CALN1: variants seen among roughly 807,000 people sequenced by gnomAD.
The protein encoded by CALN1 is calneuron 1, also known as calcium-binding protein 8.
CALN1 carries 17 observed loss-of-function variants against 30.6 expected under a neutral mutation model. That is an observed-to-expected ratio of 0.56 (90% confidence interval 0.38 to 0.83). The LOEUF (loss-of-function observed/expected upper bound fraction) is 0.83, where lower values mean the gene tolerates loss of function less well. CALN1 is among the 40% of genes least tolerant of loss of function. The probability of loss-of-function intolerance (pLI) is 0.00; values close to 1 mark genes in which losing one functional copy is unlikely to be tolerated. For missense variants in CALN1, 291 were observed against 354.9 expected, an observed-to-expected ratio of 0.82 and a Z score of 1.45; for synonymous variants, 156 against 131.4, an observed-to-expected ratio of 1.19 and a Z score of -1.28.
chr7:72,277,736 C>T (rs1437932642), intron 3 of CALN1, among the ~76,000 whole-genome samples: 1 of 152,154 alleles, frequency 6.6e-6, no homozygotes, highest in African/African-American at 2.4e-5. Context: ...AAATGTCCTC[C>T]ATCTTCCTTC....
chr7:71,891,660 T>C (rs578160291), intron 5 of CALN1, among the ~76,000 whole-genome samples: 2 of 152,274 alleles, frequency 1.3e-5, no homozygotes, highest in Admixed American at 6.5e-5. Flanking sequence ...ACAAGTGCTA[T>C]ATGCCGGGCA....
At chr7:72,491,242 A>G in the CALN1 span, among the ~76,000 whole-genome samples, 19 of 150,284 alleles carry the variant, frequency 1.3e-4, no homozygotes, top group Non-Finnish European at 1.6e-4. Flanking sequence ...AAAAAAAAAC[A>G]AAAACAAAAA....
At position 71,810,051 on chromosome 7, in the gene CALN1, ACAAAAC is replaced by A. The variant is rs1305397281; in HGVS notation, c.658+279_658+284del. Among the ~76,000 whole-genome samples, 3 of 152,302 alleles carry A rather than the reference ACAAAAC, an allele frequency of 2.0e-5. No individual in the cohort carries two copies. In the East Asian group the frequency reaches 5.8e-4, roughly 29 times the overall value. ...CCACAACCAAGAGAAGGCAAACAGC[ACAAAAC>A]CACACATCCAATCACACGCAGACCT... is the stretch of plus-strand genomic sequence containing the variant. On this transcript the variant is annotated intron_variant, in intron 6 of 6. Transcript: ENST00000395275.
chr7:72,264,495 GATT>G (rs1013223857), intron 3 of CALN1, among the ~76,000 whole-genome samples: 29 of 126,042 alleles, frequency 2.3e-4, no homozygotes, highest in African/African-American at 8.3e-4. Context: ...TAATAAGCAG[GATT>G]TTTTTTTTTT....
intron 4 of CALN1, among the ~76,000 whole-genome samples, chr7:72,062,586 G>GCCAAATAT (rs1271981339): frequency 6.6e-6 from 1 of 150,650 alleles, no homozygotes; most frequent in Non-Finnish European, 1.5e-5. Flanking sequence ...CATAAGAAAT[G>GCCAAATAT]CCAAATATAT....
intron 2 of CALN1, among the ~76,000 whole-genome samples, chr7:72,345,943 C>A (rs1010765424): frequency 2.0e-5 from 3 of 151,710 alleles, no homozygotes; most frequent in South Asian, 2.1e-4. Context: ...GAAAAAGAAC[C>A]GAATTAAGAA....
intron 1 of CALN1, 130 bp downstream of exon 1, chr7:72,411,928 T>C (rs185021101): frequency 6.6e-6 from 1 of 152,150 alleles, no homozygotes; most frequent in African/African-American, 2.4e-5. Context: ...GAAAAAATCA[T>C]AGATTAAAAC....
chr7:72,168,787 C>CTTATTA (rs1554463089), intron 3 of CALN1, among the ~76,000 whole-genome samples: 26 of 135,592 alleles, frequency 1.9e-4, no homozygotes, highest in East Asian at 1.3e-3. Context: ...AGGATGCCTG[C>CTTATTA]TTATTATTAT....
At chr7:71,856,614 T>C (rs1790962288) in intron 5 of CALN1, among the ~76,000 whole-genome samples, 1 of 152,226 alleles carries the variant, frequency 6.6e-6, no homozygotes, top group African/African-American at 2.4e-5. Context: ...CACTGTTCTG[T>C]ATTTTTATAT....
rs182364566 is a variant in CALN1 at position 72,033,865 on chromosome 7, C to G, written c.389-10096G>C. ...GAAGGTTAGACTTGGTGGGGTAGAG[C>G]TGACTGGGGAAAGGGTCTTAGTTAA... is the stretch of plus-strand genomic sequence containing the variant. On this transcript the variant is annotated intron_variant, in intron 4 of 6. Transcript: ENST00000395275. Among the ~76,000 whole-genome samples the G allele has an allele frequency of 1.8e-4, 27 of 152,194 alleles. No individual in the cohort carries two copies. In the East Asian group the frequency reaches 4.8e-3, roughly 27 times the overall value.
intron 5 of CALN1, among the ~76,000 whole-genome samples, chr7:71,886,219 G>A (rs1031593776): frequency 5.9e-5 from 9 of 152,248 alleles, no homozygotes; most frequent in East Asian, 3.9e-4. Context: ...GCCGCAAGGC[G>A]AACATCTCCT....
the CALN1 span, among the ~76,000 whole-genome samples, chr7:72,473,140 G>A: frequency 2.0e-5 from 3 of 151,464 alleles, no homozygotes; most frequent in East Asian, 5.8e-4. Flanking sequence ...TTAAGAGAGA[G>A]GGGTCTCACT....
intron 2 of CALN1, among the ~76,000 whole-genome samples, chr7:72,354,882 A>G (rs924811487): frequency 1.3e-5 from 2 of 150,722 alleles, no homozygotes; most frequent in Non-Finnish European, 3.0e-5. Context: ...TGAGTAAGCA[A>G]AAATTTCTTT....
chr7:72,079,990 C>T (rs968393308), intron 4 of CALN1, among the ~76,000 whole-genome samples: 4 of 151,932 alleles, frequency 2.6e-5, no homozygotes, highest in Non-Finnish European at 2.9e-5. Flanking sequence ...AGGCTGGTCT[C>T]GAACTCCTAA....
chr7:72,337,404 G>A (rs1344834866), intron 2 of CALN1, among the ~76,000 whole-genome samples: 1 of 102,320 alleles, frequency 9.8e-6, no homozygotes, highest in Non-Finnish European at 2.0e-5. Flanking sequence ...CTCGGCGCGC[G>A]CGCACTCACA....
At chr7:72,292,469 A>G (rs1025169855) in intron 2 of CALN1, among the ~76,000 whole-genome samples, 17 of 148,450 alleles carry the variant, frequency 1.1e-4, no homozygotes, top group Non-Finnish European at 1.5e-4. Context: ...TCACTATATC[A>G]TGACCCAATC....
At chr7:72,282,517 A>G (rs1371713011) in intron 2 of CALN1, among the ~76,000 whole-genome samples, 1 of 152,198 alleles carries the variant, frequency 6.6e-6, no homozygotes, top group Admixed American at 6.5e-5. Flanking sequence ...TAATACCCTT[A>G]TAAAAGGGTT....
chr7:72,054,416 T>TATAC (rs1563015208), intron 4 of CALN1, among the ~76,000 whole-genome samples: 3 of 49,326 alleles, frequency 6.1e-5, no homozygotes, highest in Non-Finnish European at 3.8e-5. Context: ...TATATATATA[T>TATAC]ACGTGTATAT....
At chr7:72,096,091 A>AG (rs1491538357) in intron 4 of CALN1, among the ~76,000 whole-genome samples, 42 of 142,856 alleles carry the variant, frequency 2.9e-4, no homozygotes, top group African/African-American at 3.6e-4. Flanking sequence ...ATAGATAGAT[A>AG]AAGATAGATA....
Sources: allele counts gnomAD v4.1 joint callset (sites outside exome capture counted in the v4.1 genomes callset), GRCh38; gene constraint gnomAD v4.1.1; transcripts MANE v1.5; gene names NCBI Gene and HGNC (gene_info 2026-07-23, HGNC 2026-07-21).